SAMD8: variants seen among roughly 807,000 people sequenced by gnomAD.
SAMD8 encodes sphingomyelin synthase-related protein 1.
SAMD8 carries 20 observed loss-of-function variants against 42.0 expected under a neutral mutation model. The ratio of observed to expected loss-of-function variants is 0.48; its 90% confidence interval spans 0.34 to 0.69. The LOEUF (loss-of-function observed/expected upper bound fraction) is 0.69, where lower values mean the gene tolerates loss of function less well. Among genes scored for constraint, SAMD8 ranks in the 30% least tolerant of loss-of-function variants. The pLI, the probability that SAMD8 is intolerant of heterozygous loss-of-function variation, is 0.01. For synonymous variants in SAMD8, 162 were observed against 173.0 expected (o/e 0.94, Z 0.50); for missense variants, 328 against 511.6 (o/e 0.64, Z 3.46).
At chr10:75,111,635 C>T, upstream of SAMD8, 1 of 1,245,872 alleles carries the variant, frequency 8.0e-7, no homozygotes, top group South Asian at 3.5e-5. Flanking sequence ...CGCTTCACTC[C>T]GGCGAGGCGG....
At chr10:75,155,606 A>G (rs1224937854) in intron 2 of SAMD8, among the ~76,000 whole-genome samples, 1 of 152,200 alleles carries the variant, frequency 6.6e-6, no homozygotes, top group African/African-American at 2.4e-5. Context: ...TAAGGGCAAA[A>G]ATGGGTTATA....
intron 1 of SAMD8, 61 bp from the exon 2 acceptor site, chr10:75,150,453 T>C: frequency 3.3e-6 from 5 of 1,529,460 alleles, no homozygotes; most frequent in Non-Finnish European, 4.4e-6. Flanking sequence ...GTGTTTGTCT[T>C]TGAAGAAATT....
At chr10:75,107,218 C>T (rs1033450476), upstream of SAMD8, among the ~76,000 whole-genome samples, 1 of 151,924 alleles carries the variant, frequency 6.6e-6, no homozygotes, top group African/African-American at 2.4e-5. Flanking sequence ...GCCTGTAGTC[C>T]CAGCTACTTG....
At chr10:75,125,635 A>G (rs1849114614) in intron 1 of SAMD8, 2 of 152,188 alleles carry the variant, frequency 1.3e-5, no homozygotes, top group African/African-American at 4.8e-5. Flanking sequence ...AAAAAAAAAT[A>G]AAGTTCATTA....
intron 1 of SAMD8, among the ~76,000 whole-genome samples, chr10:75,126,201 A>G (rs1177457937): frequency 6.6e-6 from 1 of 152,196 alleles, no homozygotes; most frequent in African/African-American, 2.4e-5. Context: ...CTCAAAAGTC[A>G]CTTCCAAGAA....
At chr10:75,162,111 C>A (rs1486103552) in intron 2 of SAMD8, among the ~76,000 whole-genome samples, 2 of 152,196 alleles carry the variant, frequency 1.3e-5, no homozygotes, top group Non-Finnish European at 2.9e-5. Flanking sequence ...GTAATCCTAG[C>A]ACTTCTGGAG....
intron 1 of SAMD8, among the ~76,000 whole-genome samples, chr10:75,133,686 A>G (rs1849323230): frequency 6.6e-6 from 1 of 152,226 alleles, no homozygotes; most frequent in Non-Finnish European, 1.5e-5. Flanking sequence ...AGGACATTAT[A>G]TTAAGTGAAA....
At chr10:75,149,876 A>C (rs886296476) in intron 1 of SAMD8, among the ~76,000 whole-genome samples, 1 of 152,190 alleles carries the variant, frequency 6.6e-6, no homozygotes, top group Middle Eastern at 3.4e-3. Context: ...TCGTTCTGTA[A>C]AAATGTTTGG....
At chr10:75,152,083 G>T (rs981032981) in intron 2 of SAMD8, among the ~76,000 whole-genome samples, 2 of 150,928 alleles carry the variant, frequency 1.3e-5, no homozygotes, top group Non-Finnish European at 2.9e-5. Flanking sequence ...GAAGAATAGG[G>T]TTCTGCTTTT....
At chr10:75,136,610 A>T (rs557245919) in intron 1 of SAMD8, among the ~76,000 whole-genome samples, 1 of 152,284 alleles carries the variant, frequency 6.6e-6, no homozygotes, top group South Asian at 2.1e-4. Context: ...CTGGGCTAGG[A>T]ATGACTTCTA....
At chr10:75,147,321 T>A (rs1309847339) in intron 1 of SAMD8, among the ~76,000 whole-genome samples, 1 of 152,090 alleles carries the variant, frequency 6.6e-6, no homozygotes, top group Non-Finnish European at 1.5e-5. Flanking sequence ...GCCTTGTATT[T>A]TTTATTTATT....
chr10:75,143,349 A>G (rs1187240282), intron 1 of SAMD8, among the ~76,000 whole-genome samples: 2 of 152,158 alleles, frequency 1.3e-5, no homozygotes, highest in African/African-American at 4.8e-5. Context: ...GAAAAAATGT[A>G]TATATTTATG....
chr10:75,164,621 C>G (rs773748463), intron 2 of SAMD8, 24 bp from the exon 3 acceptor site: 2 of 1,608,474 alleles, frequency 1.2e-6, no homozygotes, highest in Non-Finnish European at 1.7e-6. Flanking sequence ...TTCTTCAATT[C>G]AAAATCATTT....
rs796547851 is a variant in SAMD8, at chr10:75,130,347, CA to C, written c.-16+18634del. Among the ~76,000 whole-genome samples the C allele has an allele frequency of 2.4e-3, 357 of 150,908 alleles. 4 individuals are homozygous for C. Among genetic ancestry groups the C allele is most frequent in the African/African-American group, 8.0e-3 (331 of 41,148 alleles). On this transcript the variant is annotated intron_variant, in intron 1 of 5. Coordinates refer to ENST00000542569, the MANE Select transcript of SAMD8 (RefSeq NM_001174156.2). ...AGAAACCCCGTCTCTACTAAAAATA[CA>C]AAAAAAAATTAGCCGGGCTTGGTGG...
rs543067517 is a variant in SAMD8, at chr10:75,104,669, T to C, written c.-16+4941T>C. ...CAGACCTTCTACCCACAGAGCTCCATGCCACAGCTTGGCTACAGGCCAATC... is the reference window on the plus strand; with the variant it reads ...CAGACCTTCTACCCACAGAGCTCCACGCCACAGCTTGGCTACAGGCCAATC... On this transcript the variant is annotated intron_variant, in intron 1 of 3. Coordinates refer to the SAMD8 transcript ENST00000447533. Among the ~76,000 whole-genome samples, 5 of 152,272 alleles carry C rather than the reference T, an allele frequency of 3.3e-5. No homozygotes were observed. The South Asian group carries it at 1.0e-3, about 32-fold the overall frequency.
intron 2 of SAMD8, among the ~76,000 whole-genome samples, chr10:75,155,071 T>C (rs1840380284): frequency 1.3e-5 from 2 of 152,172 alleles, no homozygotes; most frequent in East Asian, 1.9e-4. Context: ...TTTAAATCTT[T>C]TGTAGAGATG....
At chr10:75,126,749 C>T (rs1849149374) in intron 1 of SAMD8, among the ~76,000 whole-genome samples, 1 of 151,794 alleles carries the variant, frequency 6.6e-6, no homozygotes, top group African/African-American at 2.4e-5. Flanking sequence ...AATCCTCTGG[C>T]CTTGGCTTCC....
intron 2 of SAMD8, among the ~76,000 whole-genome samples, chr10:75,159,694 C>T (rs1015818948): frequency 2.6e-5 from 4 of 152,224 alleles, no homozygotes; most frequent in Non-Finnish European, 4.4e-5. Context: ...CTAATTGGGA[C>T]GACATTTAGA....
Position 75,176,160 on chromosome 10 carries a change from A to T in SAMD8, c.887A>T (p.Tyr296Phe). ...ACTGGCGTTCACACATGTGGAGATT[A>T]CATGTTTAGTGGCCACACAGTCGTC... Reference protein sequence around the residue: ...TLTGVHTCGDYMFSGHTVVLT... With the variant: ...TLTGVHTCGDFMFSGHTVVLT... Residue 296 changes from tyrosine (Y) to phenylalanine (F), a missense_variant, in exon 5 of 6, where the codon TAC (tyrosine) becomes TTC (phenylalanine). Physicochemically the swap from Tyr to Phe is conservative, Grantham distance 22. This residue lies in a region of SAMD8 where 178 missense variants were observed against 325.6 expected (regional missense o/e 0.55). Transcript: ENST00000542569. This position sits in a 1 kb window ranked among gnomAD's most constrained non-coding sequence, Gnocchi z 4.3. The T allele has an allele frequency of 6.2e-7, 1 of 1,614,234 alleles. No individual in the cohort carries two copies.
Sources: gnomAD v4.1 joint callset for allele counts (sites outside exome capture counted in the v4.1 genomes callset) on GRCh38, gnomAD v4.1.1 for gene constraint, gnomAD v4.1.1 regional missense constraint, Gnocchi (gnomAD v3.1) non-coding constraint, MANE v1.5 for transcripts, NCBI Gene and HGNC (gene_info 2026-07-23, HGNC 2026-07-21) for gene names.